The following CD200R1 variants were observed in gnomAD, a reference collection of about 807,000 sequenced individuals.
The protein encoded by CD200R1 is cell surface glycoprotein CD200 receptor 1.
CD200R1 carries 30 observed loss-of-function variants against 38.1 expected under a neutral mutation model. The observed-to-expected ratio is 0.79, with a 90% confidence interval of 0.59 to 1.07. The LOEUF is 1.07. Ranked by LOEUF, CD200R1 falls within the 50% of genes least tolerant of loss-of-function variation. The probability of loss-of-function intolerance (pLI) is 0.00; values close to 1 mark genes in which losing one functional copy is unlikely to be tolerated. For synonymous variants in CD200R1, 128 were observed against 152.1 expected, an observed-to-expected ratio of 0.84 and a Z score of 1.16; for missense variants, 372 against 415.4, an observed-to-expected ratio of 0.90 and a Z score of 0.91.
chr3:112,944,030 C>T (rs1227996867), intron 2 of CD200R1, among the ~76,000 whole-genome samples: 1 of 151,776 alleles, frequency 6.6e-6, no homozygotes, highest in African/African-American at 2.4e-5. Context: ...AGTACGAGGC[C>T]TAGATGGGTT....
rs1490997031 is a variant in CD200R1 at position 112,924,539 on chromosome 3, T to C, written c.879-4A>G. 8.2e-7 allele frequency: 1 copy of C among 1,217,176 alleles called. No homozygotes were observed. Among genetic ancestry groups the C allele is most frequent in the Non-Finnish European group, 1.1e-6 (1 of 939,862 alleles). The allele number at this position is 1,217,176 out of a possible 1,614,324, so 75.4% of individuals were successfully genotyped here. ...TGTTTTATTCAATTTATATTTTCTA[T>C]AAAAATAAAATAAATTGAAGTGAAT... On this transcript the variant is annotated splice_region_variant and splice_polypyrimidine_tract_variant and intron_variant, in intron 6 of 7. Coordinates refer to ENST00000308611, the MANE Select transcript of CD200R1 (RefSeq NM_138806.4).
chr3:112,935,820 G>T (rs1415285163), intron 2 of CD200R1, among the ~76,000 whole-genome samples: 1 of 152,106 alleles, frequency 6.6e-6, no homozygotes, highest in Non-Finnish European at 1.5e-5. Context: ...AACTTCAGGG[G>T]TATATAGGTA....
intron 1 of CD200R1, among the ~76,000 whole-genome samples, chr3:112,956,243 CT>C (rs1218967888): frequency 2.0e-5 from 3 of 151,836 alleles, no homozygotes; most frequent in African/African-American, 7.3e-5. Flanking sequence ...TTTCAAATAA[CT>C]TGTTTCAAGT....
At chr3:112,953,227 T>G (rs1941010298) in intron 1 of CD200R1, among the ~76,000 whole-genome samples, 1 of 152,232 alleles carries the variant, frequency 6.6e-6, no homozygotes, top group South Asian at 2.1e-4. Context: ...TGGTTTCTAT[T>G]CTTCATTCTG....
chr3:112,972,140 C>T (rs1933325329), intron 1 of CD200R1, among the ~76,000 whole-genome samples: 1 of 152,130 alleles, frequency 6.6e-6, no homozygotes, highest in Non-Finnish European at 1.5e-5. Context: ...TTATTAATTG[C>T]TTAAGCATGA....
chr3:112,939,427 A>T (rs555081757), intron 2 of CD200R1, among the ~76,000 whole-genome samples: 4 of 152,142 alleles, frequency 2.6e-5, no homozygotes, highest in African/African-American at 9.6e-5. Flanking sequence ...AAATTCAATA[A>T]AGTTGCAGCA....
At chr3:112,972,320 A>G (rs1021199230) in intron 1 of CD200R1, among the ~76,000 whole-genome samples, 1 of 152,198 alleles carries the variant, frequency 6.6e-6, no homozygotes, top group African/African-American at 2.4e-5. Flanking sequence ...GCTACCTTAG[A>G]GCCCTGTCTT....
chr3:112,957,445 T>C (rs1331694205), intron 1 of CD200R1, among the ~76,000 whole-genome samples: 1 of 151,578 alleles, frequency 6.6e-6, no homozygotes, highest in Non-Finnish European at 1.5e-5. Flanking sequence ...GTTATACATA[T>C]GCAAAAAAAA....
intron 2 of CD200R1, among the ~76,000 whole-genome samples, chr3:112,944,828 T>G (rs1365508185): frequency 6.6e-6 from 1 of 152,086 alleles, no homozygotes; most frequent in Admixed American, 6.5e-5. Context: ...AAAAGTCAAT[T>G]TTTTGTATTG....
intron 2 of CD200R1, among the ~76,000 whole-genome samples, chr3:112,932,202 C>T (rs1469050127): frequency 6.6e-6 from 1 of 152,112 alleles, no homozygotes; most frequent in African/African-American, 2.4e-5. Flanking sequence ...TGAAGTACAC[C>T]GTGTCCTGGG....
intron 2 of CD200R1, among the ~76,000 whole-genome samples, chr3:112,942,507 A>G (rs9871985): frequency 0.6 from 90,603 of 151,378 alleles, 27,550 homozygotes; most frequent in African/African-American, 0.71. Flanking sequence ...CATATAAAAT[A>G]CTCAGGTAAA....
chr3:112,952,801 A>G (rs1940998491), intron 1 of CD200R1, among the ~76,000 whole-genome samples: 1 of 152,078 alleles, frequency 6.6e-6, no homozygotes, highest in African/African-American at 2.4e-5. Context: ...ATAATAAATA[A>G]ATAAATAAAT....
Position 112,929,077 on chromosome 3 carries a change from A to G in CD200R1, c.521-13T>C, listed in dbSNP as rs777864494. The G allele has an allele frequency of 6.2e-7, 1 of 1,613,018 alleles. No homozygotes were observed. The highest frequency in any genetic ancestry group is 8.5e-7 in the Non-Finnish European group (1 of 1,179,348). The stretch of plus-strand genomic sequence containing the variant: ...ACTTCAGGTGTAACTGCAGAGAGGA[A>G]AGAGGGAAAAAAATGCTTCGGTTTT... On this transcript the variant is annotated splice_polypyrimidine_tract_variant and intron_variant, in intron 4 of 7. Coordinates refer to ENST00000308611, the MANE Select transcript of CD200R1 (RefSeq NM_138806.4).
intron 5 of CD200R1, 26 bp downstream of exon 5, chr3:112,928,787 TAAA>T: frequency 6.6e-7 from 1 of 1,521,946 alleles, no homozygotes; most frequent in Non-Finnish European, 8.9e-7. Context: ...TGGAAAAAAA[TAAA>T]AAATAAAACT....
At chr3:112,936,648 G>T (rs1243164392) in intron 2 of CD200R1, among the ~76,000 whole-genome samples, 5 of 151,934 alleles carry the variant, frequency 3.3e-5, no homozygotes, top group African/African-American at 9.7e-5. Flanking sequence ...TTTTAATGGG[G>T]TTCTTTTTTT....
At chr3:112,931,500 G>A (rs2107306831) in intron 2 of CD200R1, among the ~76,000 whole-genome samples, 1 of 152,262 alleles carries the variant, frequency 6.6e-6, no homozygotes, top group Middle Eastern at 3.4e-3. Flanking sequence ...CATCTCACAT[G>A]AGCTGGTCCA....
chr3:112,934,912 G>C (rs1056956840), intron 2 of CD200R1, among the ~76,000 whole-genome samples: 1 of 151,928 alleles, frequency 6.6e-6, no homozygotes, highest in Non-Finnish European at 1.5e-5. Context: ...GTGGAAAAAA[G>C]ACATGCAAAC....
At chr3:112,967,892 A>G (rs1389865979) in intron 1 of CD200R1, among the ~76,000 whole-genome samples, 1 of 152,242 alleles carries the variant, frequency 6.6e-6, no homozygotes, top group African/African-American at 2.4e-5. Context: ...TAGCAATCCC[A>G]CATACACACT....
At chr3:112,931,914 T>A (rs991070855) in intron 2 of CD200R1, among the ~76,000 whole-genome samples, 3 of 152,004 alleles carry the variant, frequency 2.0e-5, no homozygotes, top group Non-Finnish European at 2.9e-5. Flanking sequence ...TCCTTCCACA[T>A]CCTCTTCCTG....
Sources: allele counts gnomAD v4.1 joint callset (sites outside exome capture counted in the v4.1 genomes callset), GRCh38; gene constraint gnomAD v4.1.1; transcripts MANE v1.5; gene names NCBI Gene and HGNC (gene_info 2026-07-23, HGNC 2026-07-21).